Variants in PACS2 observed in about 807,000 individuals in gnomAD.
PACS2 encodes the protein phosphofurin acidic cluster sorting protein 2.
Under a neutral mutation model 113.0 loss-of-function variants are expected in PACS2, and 36 were observed. The observed-to-expected ratio is 0.32, with a 90% confidence interval of 0.24 to 0.42. The LOEUF (loss-of-function observed/expected upper bound fraction) is 0.42, where lower values mean the gene tolerates loss of function less well. PACS2 is among the 10% of genes least tolerant of loss of function. PACS2 has a pLI of 1.00. For synonymous variants in PACS2, 589 were observed against 536.1 expected (o/e 1.10, Z -1.36); for missense variants, 1,015 against 1,239.5 (o/e 0.82, Z 2.72).
Position 105,323,631 on chromosome 14 carries a change from G to A in PACS2, c.119+8594G>A, listed in dbSNP as rs1301165661. On this transcript the variant is annotated intron_variant, in intron 1 of 24. Transcript: ENST00000447393. This position sits in a 1 kb window ranked among gnomAD's most constrained non-coding sequence, Gnocchi z 4.1. ...TGTGTGTATTTGGGAGAGCAGTGCT[G>A]CTGGAGTGGTGGACCACACTGGAGG... is the stretch of plus-strand genomic sequence containing the variant. Among the ~76,000 whole-genome samples, 3 of 152,266 alleles carry A rather than the reference G, an allele frequency of 2.0e-5. No individual in the cohort carries two copies. The highest frequency in any genetic ancestry group is 4.4e-5 in the Non-Finnish European group (3 of 68,052).
chr14:105,388,916 G>A, intron 19 of PACS2: 1 of 152,768 alleles, frequency 6.5e-6, no homozygotes, highest in Non-Finnish European at 1.5e-5. Context: ...GGAGGAAAGA[G>A]GAGAGCCAGA....
upstream of PACS2, chr14:105,314,486 G>A (rs1416798669): frequency 1.3e-5 from 2 of 149,312 alleles, no homozygotes; most frequent in Non-Finnish European, 3.0e-5. Flanking sequence ...CCCGGGCGGG[G>A]TCTGTGCGCA....
At chr14:105,383,718 T>C (rs1555412801) in intron 16 of PACS2, 1 of 554,046 alleles carries the variant, frequency 1.8e-6, no homozygotes, top group Non-Finnish European at 3.2e-6. Flanking sequence ...AGTAACACTT[T>C]GTTAATTTTA....
Position 105,386,049 on chromosome 14 carries a change from C to T in PACS2, c.2033+332C>T, listed in dbSNP as rs587665691. On this transcript the variant is annotated intron_variant, in intron 19 of 24. Coordinates refer to ENST00000447393, the MANE Select transcript of PACS2 (RefSeq NM_001100913.3). ...AAGCCTGCAGGTCGGCCAGGCAGGCCTTTCCCCGGCTCTGTTTTGACCCTG... is the reference window on the plus strand; with the variant it reads ...AAGCCTGCAGGTCGGCCAGGCAGGCTTTTCCCCGGCTCTGTTTTGACCCTG... Among the ~76,000 whole-genome samples the T allele has an allele frequency of 4.7e-3, 713 of 152,370 alleles. 5 individuals are homozygous for T. Among genetic ancestry groups the T allele is most frequent in the Non-Finnish European group, 4.1e-3 (281 of 68,040 alleles).
intron 1 of PACS2, among the ~76,000 whole-genome samples, chr14:105,301,804 T>C (rs2058039502): frequency 1.3e-5 from 2 of 152,184 alleles, no homozygotes; most frequent in Non-Finnish European, 2.9e-5. Context: ...CTGTTCACAA[T>C]CGCCATAGGG....
intron 11 of PACS2, among the ~76,000 whole-genome samples, chr14:105,380,569 A>G (rs1466740543): frequency 2.8e-5 from 4 of 144,764 alleles, no homozygotes; most frequent in African/African-American, 7.9e-5. Flanking sequence ...GACTCACCCT[A>G]CCTTCAGGGT....
chr14:105,350,544 C>A (rs1393270040), intron 2 of PACS2, among the ~76,000 whole-genome samples: 7 of 152,160 alleles, frequency 4.6e-5, no homozygotes, highest in Non-Finnish European at 1.0e-4. Flanking sequence ...CCCAGCTCAG[C>A]AGCCACGTGG....
intron 1 of PACS2, among the ~76,000 whole-genome samples, chr14:105,305,164 G>A (rs1317401655): frequency 6.6e-6 from 1 of 152,198 alleles, no homozygotes; most frequent in Admixed American, 6.5e-5. Flanking sequence ...ACTTTGGGAG[G>A]CTGAGGAGGG....
In PACS2 at chr14:105,383,635, T is replaced by C. The variant is rs1170613542; in HGVS notation, c.1780+122T>C. The C allele has an allele frequency of 1.6e-5, 13 of 824,594 alleles. 1 individual carries two copies. The highest frequency in any genetic ancestry group is 3.6e-5 in the South Asian group (2 of 56,122). The allele number at this position is 824,594 out of a possible 1,614,324, so 51.1% of individuals were successfully genotyped here. On this transcript the variant is annotated intron_variant, in intron 16 of 24. Transcript: ENST00000447393. ...CGTGGCGTGGCGCGGTGTGTCGTGG[T>C]GTGGCGCGGTGTGGCATGGCGTGGT... is the stretch of plus-strand genomic sequence containing the variant.
At chr14:105,374,922 T>C (rs1289552587) in intron 8 of PACS2, 1 of 152,224 alleles carries the variant, frequency 6.6e-6, no homozygotes, top group Non-Finnish European at 1.5e-5. Flanking sequence ...GATTGCTCTG[T>C]TGGAATTGAG....
intron 8 of PACS2, among the ~76,000 whole-genome samples, chr14:105,375,280 C>T (rs2141197582): frequency 6.6e-6 from 1 of 152,216 alleles, no homozygotes; most frequent in African/African-American, 2.4e-5. Flanking sequence ...GAGATCAAGA[C>T]CATCCTGGCT....
At chr14:105,377,178 C>T (rs1432210543) in intron 9 of PACS2, among the ~76,000 whole-genome samples, 1 of 152,102 alleles carries the variant, frequency 6.6e-6, no homozygotes, top group Non-Finnish European at 1.5e-5. Context: ...TGGGGAGGAC[C>T]GAGAGGGGTC....
chr14:105,385,801 A>G lies in PACS2; in HGVS notation c.2033+84A>G, dbSNP rs970765884. ...TGTTTGGCAGAGTCACGTAGGAATC[A>G]CCCCGCTGTCCTCTCTCCGGACTGG... On this transcript the variant is annotated intron_variant, in intron 19 of 24. Transcript: ENST00000447393. The G allele has an allele frequency of 1.2e-4, 100 of 812,604 alleles. No individual in the cohort carries two copies. In the African/African-American group the frequency reaches 1.4e-3, roughly 12 times the overall value. 50.3% of individuals were successfully genotyped at this position (812,604 alleles called of 1,614,324 possible). A position where few individuals can be genotyped will look rare whatever the true frequency, so the allele number is the denominator to read the frequency against.
At chr14:105,342,230 C>CTG (rs373390359) in intron 1 of PACS2, among the ~76,000 whole-genome samples, 12,836 of 140,176 alleles carry the variant, frequency 0.092, 604 homozygotes, top group African/African-American at 0.13. Context: ...AAGCTGCTGC[C>CTG]TGTGTGTGTG....
intron 8 of PACS2, among the ~76,000 whole-genome samples, chr14:105,375,414 C>T (rs1555410164): frequency 6.9e-6 from 1 of 144,042 alleles, no homozygotes; most frequent in South Asian, 2.2e-4. Context: ...GGAGGCGGAG[C>T]TTGCAGTGAG....
Position 105,381,094 on chromosome 14 carries a change from C to T in PACS2, c.1263C>T (p.Ser421=), listed in dbSNP as rs782116154. ...ITKTESLVIP[S]TRSEGKQAGR... Reference sequence around the variant, plus strand: ...AGACAGAGTCCCTTGTCATCCCCTCCACCAGGTGATGGGGGCTGCACGGCG... The same window carrying T: ...AGACAGAGTCCCTTGTCATCCCCTCTACCAGGTGATGGGGGCTGCACGGCG... Residue 421 remains serine, a synonymous_variant, in exon 12 of 25, where the codon TCC becomes TCT. Transcript: ENST00000447393. 9 of 1,611,062 alleles carry T rather than the reference C, an allele frequency of 5.6e-6. No individual in the cohort carries two copies. The highest frequency in any genetic ancestry group is 7.6e-6 in the Non-Finnish European group (9 of 1,178,994).
chr14:105,380,489 A>G (rs782248127), intron 11 of PACS2, among the ~76,000 whole-genome samples: 5 of 128,000 alleles, frequency 3.9e-5, no homozygotes, highest in Non-Finnish European at 6.6e-5. Flanking sequence ...GGGTCAGGGC[A>G]GCTGGACTCA....
chr14:105,374,731 T>C (rs1488375605), intron 8 of PACS2: 2 of 152,246 alleles, frequency 1.3e-5, no homozygotes, highest in African/African-American at 2.4e-5. Context: ...TGCTGGCTTA[T>C]GAGGGGCACG....
At position 105,381,011 on chromosome 14, in the gene PACS2, G is replaced by C. The variant is rs2080972736; in HGVS notation, c.1180G>C (p.Glu394Gln). 6 of 1,612,492 alleles carry C rather than the reference G, an allele frequency of 3.7e-6. No individual in the cohort carries two copies. The highest frequency in any genetic ancestry group is 5.1e-6 in the Non-Finnish European group (6 of 1,179,680). The change falls in exon 12 of 25, where the codon GAG becomes CAG. Residue 394 changes from glutamate (E) to glutamine (Q), a missense_variant. By Grantham distance (29) the Glu-to-Gln change is conservative. Coordinates refer to ENST00000447393, the MANE Select transcript of PACS2 (RefSeq NM_001100913.3). ...PGQPEDSPEAEASTLDVFTER... is the reference protein window; with the variant it reads ...PGQPEDSPEAQASTLDVFTER... ...ACAGCCTGAGGACAGCCCCGAGGCT[G>C]AGGCCTCCACCCTGGATGTGTTCAC... is the stretch of plus-strand genomic sequence containing the variant.
Sources: allele counts gnomAD v4.1 joint callset (sites outside exome capture counted in the v4.1 genomes callset), GRCh38; gene constraint gnomAD v4.1.1; non-coding constraint Gnocchi (gnomAD v3.1); transcripts MANE v1.5; gene names NCBI Gene and HGNC (gene_info 2026-07-23, HGNC 2026-07-21).